Variants in GFAP observed in about 807,000 individuals in gnomAD.
The protein encoded by GFAP is glial fibrillary acidic protein.
Under a neutral mutation model 49.3 loss-of-function variants are expected in GFAP, and 38 were observed. That is an observed-to-expected ratio of 0.77 (90% CI 0.60 to 1.01). The LOEUF (loss-of-function observed/expected upper bound fraction) is 1.01. GFAP is among the 50% of genes least tolerant of loss of function. The pLI is 0.00. For synonymous variants in GFAP, 222 were observed against 236.4 expected (o/e 0.94, Z 0.56); for missense variants, 463 against 579.1 (o/e 0.80, Z 2.06).
At chr17:44,909,098 C>CGAAGGAAGGAAGGAAA (rs1022632051) in intron 7 of GFAP, 1 of 149,064 alleles carries the variant, frequency 6.7e-6, no homozygotes, top group African/African-American at 2.5e-5. Flanking sequence ...GACGCTCTGC[C>CGAAGGAAGGAAGGAAA]GAAGGAAGGA....
rs1404102528 is a variant in GFAP, at chr17:44,910,418, AG to A, written c.1171+196del. ...AAGAGGGACCAGGGCCTAGCAGGAC[AG>A]GGGCAGCTGCAAGCCCCACCTAGAA... On this transcript the variant is annotated intron_variant, in intron 7 of 8. Transcript: ENST00000588735. The A allele has an allele frequency of 8.8e-6, 14 of 1,593,486 alleles. No homozygotes were observed. The East Asian group carries it at 2.7e-4, about 31-fold the overall frequency.
intron 7 of GFAP, chr17:44,909,742 C>T: frequency 9.8e-7 from 1 of 1,022,992 alleles, no homozygotes; most frequent in Non-Finnish European, 1.2e-6. Flanking sequence ...GAAGAATCCT[C>T]TGAACTGAGT....
intron 4 of GFAP, chr17:44,913,049 G>T (rs1018701879): frequency 1.7e-6 from 1 of 605,806 alleles, no homozygotes; most frequent in South Asian, 1.8e-5. Flanking sequence ...AACAGTATCA[G>T]CTACTACTAA....
rs2051646850 is a variant in GFAP, at chr17:44,905,955, A to G, written c.*1392T>C. The G allele has an allele frequency of 6.6e-6, 1 of 152,290 alleles. No individual in the cohort carries two copies. The highest frequency in any genetic ancestry group is 1.5e-5 in the Non-Finnish European group (1 of 68,090). The allele number at this position is 152,290 out of a possible 1,614,324, so 9.4% of individuals were successfully genotyped here. ...TGCAGGAATATGAGCCAGTGTCTTCACTTTGCTCGTGCCTCAGTTTTACAA... is the reference window on the plus strand; with the variant it reads ...TGCAGGAATATGAGCCAGTGTCTTCGCTTTGCTCGTGCCTCAGTTTTACAA... On this transcript the variant is annotated 3_prime_UTR_variant, in exon 9 of 9. Transcript: ENST00000588735.
At chr17:44,913,654 T>C (rs757870152) in intron 3 of GFAP, 74 bp downstream of exon 3, 7 of 1,211,914 alleles carry the variant, frequency 5.8e-6, no homozygotes, top group Non-Finnish European at 8.6e-6. Context: ...CAGTCTCAGC[T>C]TCTCTGTCTC....
intron 4 of GFAP, chr17:44,913,014 A>G (rs2051809364): frequency 1.9e-6 from 1 of 528,018 alleles, no homozygotes; most frequent in South Asian, 2.0e-5. Flanking sequence ...AAGGTAATCC[A>G]TGAAAAGCAC....
chr17:44,910,001 C>T, intron 7 of GFAP: 1 of 1,541,922 alleles, frequency 6.5e-7, no homozygotes, highest in South Asian at 1.3e-5. Context: ...CACTGCAGTT[C>T]CTGGGAAAAT....
Position 44,904,706 on chromosome 17 carries a change from C to A in GFAP, c.*2641G>T. On this transcript the variant is annotated 3_prime_UTR_variant, in exon 9 of 9. Coordinates refer to ENST00000588735, the MANE Select transcript of GFAP (RefSeq NM_002055.5). ...ACTCATCATCTCCTGTCCTGGGGCC[C>A]GGCCAGAGCATGCAGTGGCCTGGGA... 1 of 1,550,576 alleles carries A rather than the reference C, an allele frequency of 6.4e-7. No individual in the cohort carries two copies. The highest frequency in any genetic ancestry group is 1.2e-5 in the South Asian group (1 of 84,060).
At position 44,904,521 on chromosome 17, in the gene GFAP, C is replaced by T. The variant is rs557958054; in HGVS notation, c.*2826G>A. On this transcript the variant is annotated 3_prime_UTR_variant, in exon 9 of 9. Transcript: ENST00000588735. The stretch of plus-strand genomic sequence containing the variant: ...CTGCGGACCAAGGCCAGGGACCACA[C>T]GCCTGAGGTGCTGGTTCGGAGCTGC... 35 of 1,550,362 alleles carry T rather than the reference C, an allele frequency of 2.3e-5. No homozygotes were observed. The highest frequency in any genetic ancestry group is 7.3e-5 in the East Asian group (3 of 40,916).
chr17:44,907,744 T>G, intron 8 of GFAP: 1 of 549,450 alleles, frequency 1.8e-6, no homozygotes. Flanking sequence ...CTGCTAGAGT[T>G]GGAAGTGAAA....
chr17:44,908,186 T>G (rs774478356), intron 7 of GFAP, 37 bp from the exon 8 acceptor site: 2 of 1,421,786 alleles, frequency 1.4e-6, no homozygotes, highest in African/African-American at 2.8e-5. Flanking sequence ...TCATGGACTT[T>G]CAGGGCATGA....
intron 7 of GFAP, 140 bp downstream of exon 7, chr17:44,910,475 G>T: frequency 6.4e-7 from 1 of 1,555,830 alleles, no homozygotes; most frequent in Non-Finnish European, 8.7e-7. Flanking sequence ...CTGGCTAGGA[G>T]CGCTGCAGTG....
In GFAP at chr17:44,913,888, C is replaced by T. The variant is rs1420185377; in HGVS notation, c.523-65G>A. ...GGCCCCAGGCTCCTTCTCCCCATTC[C>T]TCAGCCTTGCCTTACCCCTCCTTCT... On this transcript the variant is annotated intron_variant, in intron 2 of 8. Transcript: ENST00000588735. 13 of 1,426,220 alleles carry T rather than the reference C, an allele frequency of 9.1e-6. 1 individual carries two copies. In the Admixed American group the frequency reaches 2.2e-4, roughly 24 times the overall value. 88.3% of individuals were successfully genotyped at this position (1,426,220 alleles called of 1,614,324 possible). A position where few individuals can be genotyped will look rare whatever the true frequency, so the allele number is the denominator to read the frequency against.
rs1353517133 is a variant in GFAP at position 44,915,356 on chromosome 17, G to C, written c.131C>G (p.Pro44Arg). Reference sequence around the variant, plus strand: ...GAAATCCACCCGGGTCGGGAGTGGAGGGGGCATTCGAGCCAGGGAGAGGCG... The same window carrying C: ...GAAATCCACCCGGGTCGGGAGTGGACGGGGCATTCGAGCCAGGGAGAGGCG... ...GTRLSLARMP[P>R]PLPTRVDFSL... Residue 44 changes from proline (P) to arginine (R), a missense_variant, in exon 1 of 9, where the codon CCT becomes CGT. Around this residue, in one of 3 missense-constraint regions of GFAP, gnomAD observed 89 missense variants for 87.5 expected, o/e 1.02. Transcript: ENST00000588735. This position sits in a 1 kb window ranked among gnomAD's most constrained non-coding sequence, Gnocchi z 4.1. 6.2e-7 allele frequency: 1 copy of C among 1,611,514 alleles called. No homozygotes were observed. The highest frequency in any genetic ancestry group is 8.5e-7 in the Non-Finnish European group (1 of 1,178,076).
Position 44,915,351 on chromosome 17 carries a change from G to A in GFAP, c.136C>T (p.Leu46Phe), listed in dbSNP as rs1347539627. The A allele has an allele frequency of 8.7e-6, 14 of 1,612,198 alleles. No homozygotes were observed. Among genetic ancestry groups the A allele is most frequent in the South Asian group, 1.1e-5 (1 of 91,058 alleles). Residue 46 changes from leucine (L) to phenylalanine (F), a missense_variant, in exon 1 of 9, where the codon CTC (leucine) becomes TTC (phenylalanine). Around this residue, in one of 3 missense-constraint regions of GFAP, gnomAD observed 89 missense variants for 87.5 expected, o/e 1.02. Coordinates refer to ENST00000588735, the MANE Select transcript of GFAP (RefSeq NM_002055.5). This position sits in a 1 kb window ranked among gnomAD's most constrained non-coding sequence, Gnocchi z 4.1. ...RLSLARMPPP[L>F]PTRVDFSLAG... ...AGGGAGAAATCCACCCGGGTCGGGA[G>A]TGGAGGGGGCATTCGAGCCAGGGAG...
At chr17:44,912,907 C>T in intron 4 of GFAP, 1 of 313,554 alleles carries the variant, frequency 3.2e-6, no homozygotes, top group Non-Finnish European at 6.2e-6. Context: ...GGAAATCCAA[C>T]TCTACCACTT....
Position 44,903,404 on chromosome 17 carries a change from G to C in GFAP, c.*3943C>G. ...GGATGGCCAGATATGCAGGAGGGTG[G>C]GTTTCCTTCATCCCCCAGGTTGATG... On this transcript the variant is annotated 3_prime_UTR_variant, in exon 9 of 9. Transcript: ENST00000588735. 8.0e-7 allele frequency: 1 copy of C among 1,250,920 alleles called. No homozygotes were observed. The highest frequency in any genetic ancestry group is 1.0e-6 in the Non-Finnish European group (1 of 999,146). The allele number at this position is 1,250,920 out of a possible 1,614,324, so 77.5% of individuals were successfully genotyped here.
rs376999852 is a variant in GFAP at position 44,915,413 on chromosome 17, A to T, written c.74T>A (p.Leu25Gln). ...AGGACCCAGACGGCGGCCAGGAGCC[A>T]GGCCCCCCACCATCATCTCCCCTGA... ...VSSGEMMVGGLAPGRRLGPGT... is the reference protein window; with the variant it reads ...VSSGEMMVGGQAPGRRLGPGT... Residue 25 changes from leucine (L) to glutamine (Q), a missense_variant, in exon 1 of 9, where the codon CTG (leucine) becomes CAG (glutamine). Transcript: ENST00000588735. This position sits in a 1 kb window ranked among gnomAD's most constrained non-coding sequence, Gnocchi z 4.1. 6.2e-7 allele frequency: 1 copy of T among 1,607,382 alleles called. No homozygotes were observed. The highest frequency in any genetic ancestry group is 8.5e-7 in the Non-Finnish European group (1 of 1,176,376).
chr17:44,907,210 A>G lies in GFAP; in HGVS notation c.*137T>C, dbSNP rs1481840495. 9.9e-6 allele frequency: 8 copies of G among 804,526 alleles called. No individual in the cohort carries two copies. The highest frequency in any genetic ancestry group is 1.5e-5 in the Non-Finnish European group (7 of 465,050). The allele number at this position is 804,526 out of a possible 1,614,324, so 49.8% of individuals were successfully genotyped here. A position where few individuals can be genotyped will look rare whatever the true frequency, so the allele number is the denominator to read the frequency against. ...CCTAGGGCAGCAAGCTGACCTAGGG[A>G]CAGAGGAGGGAGGGGAGCAGCTGGG... On this transcript the variant is annotated 3_prime_UTR_variant, in exon 9 of 9. Transcript: ENST00000588735.
Sources: allele counts gnomAD v4.1 joint callset, GRCh38; gene constraint gnomAD v4.1.1; regional missense constraint gnomAD v4.1.1; non-coding constraint Gnocchi (gnomAD v3.1); transcripts MANE v1.5; gene names NCBI Gene and HGNC (gene_info 2026-07-23, HGNC 2026-07-21).